The following CADM2 variants were observed in gnomAD, a reference collection of about 807,000 sequenced individuals.
CADM2 encodes the protein cell adhesion molecule 2.
In CADM2, 12 loss-of-function variants were observed where a neutral mutation model predicts 49.8. The ratio of observed to expected loss-of-function variants is 0.24; its 90% CI spans 0.15 to 0.39. CADM2 has a LOEUF of 0.39. Ranked by LOEUF, CADM2 falls within the 10% of genes least tolerant of loss-of-function variation. The pLI is 1.00. For synonymous variants in CADM2, 214 were observed against 175.4 expected, an observed-to-expected ratio of 1.22 and a Z score of -1.74; for missense variants, 378 against 492.3, an observed-to-expected ratio of 0.77 and a Z score of 2.20.
At chr3:85,916,858 G>A (rs576358407) in intron 6 of CADM2, among the ~76,000 whole-genome samples, 19 of 151,962 alleles carry the variant, frequency 1.3e-4, no homozygotes, top group Non-Finnish European at 1.5e-4. Flanking sequence ...TTTAATGATC[G>A]CCATTCTAAC....
chr3:85,001,041 C>T (rs903908762), intron 1 of CADM2, among the ~76,000 whole-genome samples: 4 of 152,068 alleles, frequency 2.6e-5, no homozygotes, highest in African/African-American at 9.7e-5. Context: ...TTCTTTTTGT[C>T]ACAATCAGAT....
At chr3:85,378,027 A>T (rs1470450160) in intron 1 of CADM2, among the ~76,000 whole-genome samples, 1 of 152,022 alleles carries the variant, frequency 6.6e-6, no homozygotes, top group Admixed American at 6.6e-5. Context: ...TTTTTCAGGA[A>T]TCATTTTTTT....
At chr3:85,365,890 C>T (rs1008482867) in intron 1 of CADM2, among the ~76,000 whole-genome samples, 1 of 152,128 alleles carries the variant, frequency 6.6e-6, no homozygotes, top group Non-Finnish European at 1.5e-5. Flanking sequence ...ATATTAGGTT[C>T]ACACCACGCA....
intron 8 of CADM2, among the ~76,000 whole-genome samples, chr3:85,999,273 G>GGC (rs1193146395): frequency 1.2e-4 from 18 of 151,460 alleles, no homozygotes; most frequent in African/African-American, 2.7e-4. Flanking sequence ...CCGAGGGTTG[G>GGC]GGGGTGGATC....
At chr3:84,962,587 G>A (rs1188298054) in intron 1 of CADM2, among the ~76,000 whole-genome samples, 2 of 152,154 alleles carry the variant, frequency 1.3e-5, no homozygotes, top group African/African-American at 4.8e-5. Flanking sequence ...CTATGTGCGG[G>A]GAGAAAAGGG....
chr3:85,072,213 G>A (rs150186434), intron 1 of CADM2, among the ~76,000 whole-genome samples: 27 of 151,760 alleles, frequency 1.8e-4, no homozygotes, highest in African/African-American at 5.8e-4. Context: ...TACTTACAAC[G>A]GTCAGAAAAA....
At chr3:85,460,360 A>AAG (rs1357269996) in intron 1 of CADM2, among the ~76,000 whole-genome samples, 6 of 152,210 alleles carry the variant, frequency 3.9e-5, no homozygotes, top group African/African-American at 1.4e-4. Context: ...TTATAAAAAA[A>AAG]AATTTTCAGC....
intron 1 of CADM2, among the ~76,000 whole-genome samples, chr3:85,656,078 T>G (rs1358213584): frequency 2.0e-5 from 3 of 152,156 alleles, no homozygotes; most frequent in Admixed American, 2.0e-4. Context: ...CTTCTCATAC[T>G]TCCTACAGTG....
chr3:85,116,957 A>C (rs1198245876), intron 1 of CADM2, among the ~76,000 whole-genome samples: 1 of 152,140 alleles, frequency 6.6e-6, no homozygotes, highest in African/African-American at 2.4e-5. Flanking sequence ...GGAATTTGGG[A>C]ATCTGGGGTG....
chr3:85,582,010 TCCA>T (rs1270072398), intron 1 of CADM2, among the ~76,000 whole-genome samples: 1 of 152,130 alleles, frequency 6.6e-6, no homozygotes, highest in African/African-American at 2.4e-5. Flanking sequence ...CACTGCAACC[TCCA>T]CCTCCTGAGT....
Position 85,016,090 on chromosome 3 carries a change from A to T in CADM2, c.61+56422A>T, listed in dbSNP as rs573262978. 2.6e-5 allele frequency among the ~76,000 whole-genome samples: 4 copies of T among 152,302 alleles called. No homozygotes were observed. The South Asian group carries it at 8.3e-4, about 32-fold the overall frequency. On this transcript the variant is annotated intron_variant, in intron 1 of 9. Transcript: ENST00000383699. Reference sequence around the variant, plus strand: ...GGTTAATCCAGCAACATATATCTGAATGAATTATAATAGGAAAAGAAGGGT... The same window carrying T: ...GGTTAATCCAGCAACATATATCTGATTGAATTATAATAGGAAAAGAAGGGT...
chr3:85,267,796 T>C lies in CADM2; in HGVS notation c.61+308128T>C, dbSNP rs906631486. Among the ~76,000 whole-genome samples the C allele has an allele frequency of 2.0e-5, 3 of 151,708 alleles. No homozygotes were observed. In the South Asian group the frequency reaches 6.2e-4, roughly 31 times the overall value. On this transcript the variant is annotated intron_variant, in intron 1 of 9. Coordinates refer to ENST00000383699, the MANE Select transcript of CADM2 (RefSeq NM_001167675.2). ...ATAGCCAATTTGAGATTTTTAGATA[T>C]CTAGAATCAAAGGTTTAAAATATTT...
intron 1 of CADM2, among the ~76,000 whole-genome samples, chr3:85,274,790 G>A (rs1427803962): frequency 6.6e-6 from 1 of 151,412 alleles, no homozygotes; most frequent in African/African-American, 2.4e-5. Context: ...AATTAAATAT[G>A]TAATTACACA....
At chr3:85,750,857 G>T (rs376915803) in intron 2 of CADM2, among the ~76,000 whole-genome samples, 21 of 152,042 alleles carry the variant, frequency 1.4e-4, no homozygotes, top group African/African-American at 4.8e-4. Context: ...ACCATTTACC[G>T]TATGTTATAA....
intron 1 of CADM2, among the ~76,000 whole-genome samples, chr3:85,635,167 C>T (rs1482674249): frequency 6.6e-6 from 1 of 152,050 alleles, no homozygotes; most frequent in Non-Finnish European, 1.5e-5. Context: ...TGCTATATTT[C>T]TTCTTGTTTT....
At chr3:85,187,553 T>C (rs932383184) in intron 1 of CADM2, among the ~76,000 whole-genome samples, 1 of 152,140 alleles carries the variant, frequency 6.6e-6, no homozygotes. Flanking sequence ...TATCATTTAG[T>C]AAATTCCCAA....
chr3:85,586,793 T>C (rs2062958015), intron 1 of CADM2, among the ~76,000 whole-genome samples: 1 of 152,004 alleles, frequency 6.6e-6, no homozygotes, highest in Non-Finnish European at 1.5e-5. Context: ...CTGAATAACT[T>C]TATTACAAAA....
intron 1 of CADM2, among the ~76,000 whole-genome samples, chr3:85,082,242 T>G (rs975345751): frequency 2.0e-5 from 3 of 152,138 alleles, no homozygotes; most frequent in African/African-American, 7.2e-5. Flanking sequence ...AAGGTAGGAA[T>G]AGAAAATAAT....
chr3:85,670,943 C>T (rs1179973219), intron 1 of CADM2, among the ~76,000 whole-genome samples: 1 of 152,146 alleles, frequency 6.6e-6, no homozygotes, highest in Non-Finnish European at 1.5e-5. Flanking sequence ...ACCTCTCCAT[C>T]TCTTTCTCCC....
Sources: gnomAD v4.1 joint callset for allele counts (sites outside exome capture counted in the v4.1 genomes callset) on GRCh38, gnomAD v4.1.1 for gene constraint, MANE v1.5 for transcripts, NCBI Gene and HGNC (gene_info 2026-07-23, HGNC 2026-07-21) for gene names.